The following LRRTM4 variants were observed in gnomAD, a reference collection of about 807,000 sequenced individuals.
The protein encoded by LRRTM4 is leucine rich repeat transmembrane neuronal 4.
LRRTM4 carries 25 observed loss-of-function variants against 47.6 expected under a neutral mutation model. The observed-to-expected ratio is 0.53, with a 90% CI of 0.38 to 0.73. LRRTM4 has a LOEUF of 0.73. Among genes scored for constraint, LRRTM4 ranks in the 30% least tolerant of loss-of-function variants. The pLI is 0.00. For missense variants in LRRTM4, 638 were observed against 713.4 expected, an observed-to-expected ratio of 0.89 and a Z score of 1.20; for synonymous variants, 311 against 269.5, an observed-to-expected ratio of 1.15 and a Z score of -1.51.
intron 3 of LRRTM4, among the ~76,000 whole-genome samples, chr2:77,398,233 G>A (rs1381524845): frequency 2.0e-5 from 3 of 151,818 alleles, no homozygotes; most frequent in African/African-American, 7.2e-5. Context: ...TCACAGAATT[G>A]CATCAATTTA....
rs540067494 is a variant in LRRTM4, at chr2:76,999,164, T to C, written c.1552-250248A>G. Among the ~76,000 whole-genome samples, 158 of 152,086 alleles carry C rather than the reference T, an allele frequency of 1.0e-3. 1 individual carries two copies. The highest frequency in any genetic ancestry group is 1.7e-3 in the East Asian group (9 of 5,154). On this transcript the variant is annotated intron_variant, in intron 3 of 3. Transcript: ENST00000409884. ...TAAGCAGCACTGAAATTGATTATAA[T>C]ATAGATAGTAGAAGGGCCACACATT...
chr2:76,776,333 A>G (rs1022399799), intron 3 of LRRTM4, among the ~76,000 whole-genome samples: 2 of 152,156 alleles, frequency 1.3e-5, no homozygotes, highest in African/African-American at 4.8e-5. Flanking sequence ...GAATCGCCAC[A>G]CTGACTTCCA....
At chr2:76,872,750 A>T (rs1204768125) in intron 3 of LRRTM4, among the ~76,000 whole-genome samples, 2 of 152,086 alleles carry the variant, frequency 1.3e-5, no homozygotes, top group African/African-American at 4.8e-5. Context: ...GAGACCTAAC[A>T]GGAGGTGTTT....
chr2:77,111,052 G>A (rs952181633), intron 3 of LRRTM4, among the ~76,000 whole-genome samples: 5 of 152,166 alleles, frequency 3.3e-5, no homozygotes, highest in Admixed American at 1.3e-4. Flanking sequence ...GAAGCAAGAA[G>A]TGGCTATTTG....
chr2:76,826,137 A>C (rs2103876819), intron 3 of LRRTM4, among the ~76,000 whole-genome samples: 1 of 151,854 alleles, frequency 6.6e-6, no homozygotes, highest in Admixed American at 6.6e-5. Context: ...TTTGCTACAA[A>C]GAGGACCACA....
At chr2:77,135,052 A>G (rs1176787) in intron 3 of LRRTM4, among the ~76,000 whole-genome samples, 31,909 of 152,178 alleles carry the variant, frequency 0.21, 3,951 homozygotes, top group Non-Finnish European at 0.26. Context: ...TTGACTCTGA[A>G]TAAAATTATA....
At chr2:77,216,917 C>A (rs1674459564) in intron 3 of LRRTM4, among the ~76,000 whole-genome samples, 1 of 151,932 alleles carries the variant, frequency 6.6e-6, no homozygotes, top group South Asian at 2.1e-4. Context: ...ACTAAAAATA[C>A]AAAAAATTAG....
intron 3 of LRRTM4, among the ~76,000 whole-genome samples, chr2:77,458,628 G>C (rs1263977338): frequency 4.6e-5 from 7 of 151,876 alleles, no homozygotes; most frequent in Non-Finnish European, 1.0e-4. Flanking sequence ...ATGCTAGTGA[G>C]ATTTTATAGT....
intron 3 of LRRTM4, among the ~76,000 whole-genome samples, chr2:77,113,541 A>T (rs888472229): frequency 1.1e-4 from 16 of 152,140 alleles, no homozygotes; most frequent in Admixed American, 2.6e-4. Context: ...AAGAGTAGGC[A>T]CCTGAGACGG....
intron 3 of LRRTM4, among the ~76,000 whole-genome samples, chr2:77,479,936 T>G (rs1317183684): frequency 6.6e-6 from 1 of 152,194 alleles, no homozygotes; most frequent in Admixed American, 6.5e-5. Context: ...AAAATATATT[T>G]CAAATAATAC....
At position 76,881,935 on chromosome 2, in the gene LRRTM4, TCTTTA is replaced by T. The variant is rs148687677; in HGVS notation, c.1552-133024_1552-133020del. ...TTGTGTCAGAAATACGCTGTGAATC[TCTTTA>T]CTTAACTTCCTGATTGGTGAAAGTG... On this transcript the variant is annotated intron_variant, in intron 3 of 3. Transcript: ENST00000409884. Among the ~76,000 whole-genome samples the T allele has an allele frequency of 2.2e-4, 33 of 152,306 alleles. No homozygotes were observed. In the East Asian group the frequency reaches 2.5e-3, roughly 12 times the overall value.
At chr2:77,348,947 C>A (rs1207917287) in intron 3 of LRRTM4, among the ~76,000 whole-genome samples, 1 of 151,692 alleles carries the variant, frequency 6.6e-6, no homozygotes, top group Non-Finnish European at 1.5e-5. Flanking sequence ...AATAAAAACT[C>A]TAAAGAAAAC....
intron 3 of LRRTM4, among the ~76,000 whole-genome samples, chr2:77,283,483 A>G (rs2104105834): frequency 6.6e-6 from 1 of 151,406 alleles, no homozygotes; most frequent in Non-Finnish European, 1.5e-5. Context: ...TGTATCCAAA[A>G]GAAAACAAAT....
At chr2:76,911,214 A>G (rs1322623858) in intron 3 of LRRTM4, among the ~76,000 whole-genome samples, 1 of 152,146 alleles carries the variant, frequency 6.6e-6, no homozygotes, top group Non-Finnish European at 1.5e-5. Context: ...AACCTTTGAC[A>G]AGAATTATTA....
intron 3 of LRRTM4, among the ~76,000 whole-genome samples, chr2:76,751,643 T>C (rs1672852016): frequency 6.6e-6 from 1 of 152,156 alleles, no homozygotes; most frequent in South Asian, 2.1e-4. Context: ...CAATGAGACC[T>C]CTTTCAATCA....
chr2:77,395,689 C>A (rs935112414), intron 3 of LRRTM4, among the ~76,000 whole-genome samples: 1 of 151,936 alleles, frequency 6.6e-6, no homozygotes, highest in African/African-American at 2.4e-5. Flanking sequence ...TCTTACTAGA[C>A]CTAAATTGAT....
At chr2:77,450,189 T>C (rs1360191779) in intron 3 of LRRTM4, among the ~76,000 whole-genome samples, 1 of 152,130 alleles carries the variant, frequency 6.6e-6, no homozygotes, top group Non-Finnish European at 1.5e-5. Flanking sequence ...GGTGGCTTCA[T>C]ATTTGCTTTA....
chr2:77,480,823 GAGAGA>G (rs1677662202), intron 3 of LRRTM4, among the ~76,000 whole-genome samples: 6 of 24,488 alleles, frequency 2.5e-4, no homozygotes, highest in East Asian at 5.8e-4. Flanking sequence ...TGTGTGTGTG[GAGAGA>G]GAGAGAGAGA....
chr2:77,184,395 T>C (rs1673441286), intron 3 of LRRTM4, among the ~76,000 whole-genome samples: 2 of 152,118 alleles, frequency 1.3e-5, no homozygotes, highest in Non-Finnish European at 2.9e-5. Flanking sequence ...CCTTACCTCC[T>C]ACAAAAATAC....
Sources: gnomAD v4.1 joint callset for allele counts (sites outside exome capture counted in the v4.1 genomes callset) on GRCh38, gnomAD v4.1.1 for gene constraint, MANE v1.5 for transcripts, NCBI Gene and HGNC (gene_info 2026-07-23, HGNC 2026-07-21) for gene names.